TTC17: variants seen among roughly 807,000 people sequenced by gnomAD.
TTC17 encodes tetratricopeptide repeat domain 17, also known as tetratricopeptide repeat protein 17.
A neutral mutation model predicts 143.8 loss-of-function variants in TTC17; 58 were observed. The ratio of observed to expected loss-of-function variants is 0.40; its 90% CI spans 0.33 to 0.50. The LOEUF (loss-of-function observed/expected upper bound fraction) is 0.50, where lower values mean the gene tolerates loss of function less well. TTC17 is among the 20% of genes least tolerant of loss of function. TTC17 has a pLI of 0.49. For synonymous variants in TTC17, 501 were observed against 497.8 expected (o/e 1.01, Z -0.09); for missense variants, 1,273 against 1,392.5 (o/e 0.91, Z 1.37).
intron 1 of TTC17, chr11:43,370,252 T>G (rs962783896): frequency 3.0e-6 from 1 of 330,606 alleles, no homozygotes; most frequent in Non-Finnish European, 6.0e-6. Context: ...CCTGCGTCAT[T>G]CCATCCCTGT....
At chr11:43,414,390 T>G (rs1383651122) in intron 15 of TTC17, among the ~76,000 whole-genome samples, 200 bp from the exon 16 acceptor site, 3 of 152,094 alleles carry the variant, frequency 2.0e-5, no homozygotes, top group Non-Finnish European at 4.4e-5. Context: ...ACTTTATATA[T>G]TTTTTATCTT....
At chr11:43,405,689 T>A in intron 12 of TTC17, 60 bp downstream of exon 12, 1 of 1,611,890 alleles carries the variant, frequency 6.2e-7, no homozygotes, top group Non-Finnish European at 8.5e-7. Context: ...CTAGCGGTTC[T>A]TTGAGAGCAC....
At chr11:43,390,912 T>C (rs1857360117) in intron 3 of TTC17, among the ~76,000 whole-genome samples, 1 of 152,108 alleles carries the variant, frequency 6.6e-6, no homozygotes, top group East Asian at 1.9e-4. Flanking sequence ...AATTGAGCAG[T>C]TGTATTAGTT....
intron 20 of TTC17, among the ~76,000 whole-genome samples, chr11:43,450,722 ATATTCT>A (rs1947641675): frequency 6.6e-6 from 1 of 152,214 alleles, no homozygotes. Context: ...ATATATAGAA[ATATTCT>A]TATTGACCTG....
At chr11:43,466,637 T>A (rs552588671) in intron 21 of TTC17, 2 of 329,412 alleles carry the variant, frequency 6.1e-6, no homozygotes, top group Non-Finnish European at 1.2e-5. Context: ...AATTTGATGA[T>A]AAGAACTTTA....
At chr11:43,433,173 G>T (rs1947198854) in intron 16 of TTC17, among the ~76,000 whole-genome samples, 2 of 152,058 alleles carry the variant, frequency 1.3e-5, no homozygotes, top group South Asian at 4.1e-4. Flanking sequence ...GCTAATTTTT[G>T]TATTTTTAGT....
intron 1 of TTC17, among the ~76,000 whole-genome samples, chr11:43,378,403 A>C (rs1856840765): frequency 6.6e-6 from 1 of 152,210 alleles, no homozygotes; most frequent in Non-Finnish European, 1.5e-5. Context: ...GGTCACTGGC[A>C]GTAGCTTTAA....
At chr11:43,408,275 C>G (rs1036442969) in intron 15 of TTC17, among the ~76,000 whole-genome samples, 4 of 152,132 alleles carry the variant, frequency 2.6e-5, no homozygotes, top group African/African-American at 9.7e-5. Context: ...AAGGGATGTG[C>G]ATGAATGGTT....
chr11:43,360,740 T>C (rs1856069632), intron 1 of TTC17, among the ~76,000 whole-genome samples: 1 of 152,052 alleles, frequency 6.6e-6, no homozygotes, highest in South Asian at 2.1e-4. Flanking sequence ...AATTCCTTCT[T>C]TTTGCACTTT....
At chr11:43,389,543 C>G (rs572992385) in intron 2 of TTC17, 109 bp from the exon 3 acceptor site, 1 of 1,113,292 alleles carries the variant, frequency 9.0e-7, no homozygotes, top group South Asian at 2.1e-5. Context: ...TTCTTGTCTT[C>G]CTACATAGAG....
Position 43,372,372 on chromosome 11 carries a change from C to T in TTC17, c.160-6861C>T, listed in dbSNP as rs190688369. On this transcript the variant is annotated intron_variant, in intron 1 of 23. Transcript: ENST00000039989. ...GGCTGGAGTGCAGTGGCATGATCTC[C>T]TTTCACTGCAACTTCCACTTCCTGG... is the stretch of plus-strand genomic sequence containing the variant. Among the ~76,000 whole-genome samples the T allele has an allele frequency of 2.0e-4, 30 of 151,906 alleles. No homozygotes were observed. In the East Asian group the frequency reaches 5.0e-3, roughly 25 times the overall value.
At chr11:43,379,148 A>G (rs766242860) in intron 1 of TTC17, 85 bp from the exon 2 acceptor site, 69 of 1,244,404 alleles carry the variant, frequency 5.5e-5, no homozygotes, top group Non-Finnish European at 7.3e-5. Flanking sequence ...CGAATGAACA[A>G]TAATTTAAAG....
At position 43,493,967 on chromosome 11, in the gene TTC17, A is replaced by G. The variant is rs889343204; in HGVS notation, c.*63A>G. The G allele has an allele frequency of 6.6e-7, 1 of 1,506,730 alleles. No homozygotes were observed. The highest frequency in any genetic ancestry group is 1.4e-5 in the African/African-American group (1 of 71,450). The allele number at this position is 1,506,730 out of a possible 1,614,324, so 93.3% of individuals were successfully genotyped here. A position where few individuals can be genotyped will look rare whatever the true frequency, so the allele number is the denominator to read the frequency against. Reference sequence around the variant, plus strand: ...CTAAAAAAAAAGAATAAGAAAAGAAACCAATCATTGTCAGTATCTACTATT... The same window carrying G: ...CTAAAAAAAAAGAATAAGAAAAGAAGCCAATCATTGTCAGTATCTACTATT... On this transcript the variant is annotated 3_prime_UTR_variant, in exon 24 of 24. Transcript: ENST00000039989.
intron 19 of TTC17, 145 bp downstream of exon 19, chr11:43,448,267 C>T (rs1947588959): frequency 3.2e-6 from 4 of 1,249,328 alleles, no homozygotes; most frequent in South Asian, 1.5e-5. Flanking sequence ...TGACCATGGC[C>T]CCCAGGTGGA....
intron 21 of TTC17, among the ~76,000 whole-genome samples, chr11:43,478,844 T>C (rs1590494488): frequency 6.6e-6 from 1 of 152,126 alleles, no homozygotes; most frequent in Non-Finnish European, 1.5e-5. Context: ...CCCAGACTGG[T>C]CTCAAACTCC....
Position 43,450,099 on chromosome 11 carries a change from AT to A in TTC17, c.2808del (p.Phe936LeufsTer45), listed in dbSNP as rs1255062192. 1 of 1,613,838 alleles carries A rather than the reference AT, an allele frequency of 6.2e-7. No individual in the cohort carries two copies. Reference sequence around the variant, plus strand: ...TTTTTCAGCATCACAGAACACATAGATTTTGCCACCCCTATACAGCAGCCAG... The same window carrying A: ...TTTTTCAGCATCACAGAACACATAGATTTGCCACCCCTATACAGCAGCCAG... ...SKNIDITEHI[D>X]FATPIQQPAM... On this transcript the variant is annotated frameshift_variant, in exon 20 of 24. Coordinates refer to ENST00000039989, the MANE Select transcript of TTC17 (RefSeq NM_018259.6). LOFTEE classifies it high-confidence loss of function.
chr11:43,364,890 C>T, intron 1 of TTC17, among the ~76,000 whole-genome samples: 1 of 152,114 alleles, frequency 6.6e-6, no homozygotes, highest in Non-Finnish European at 1.5e-5. Context: ...ACCTCAACCT[C>T]CACCTCCTGG....
chr11:43,437,755 A>G (rs989933672), intron 16 of TTC17, among the ~76,000 whole-genome samples: 3 of 152,216 alleles, frequency 2.0e-5, no homozygotes. Flanking sequence ...ACATACACAT[A>G]GTACATGATC....
At chr11:43,423,430 T>C (rs536496176) in intron 16 of TTC17, among the ~76,000 whole-genome samples, 75 of 152,072 alleles carry the variant, frequency 4.9e-4, no homozygotes, top group Non-Finnish European at 9.6e-4. Context: ...AAGAATGGAA[T>C]CTTAGAAAAT....
Sources: allele counts gnomAD v4.1 joint callset (sites outside exome capture counted in the v4.1 genomes callset), GRCh38; gene constraint gnomAD v4.1.1; transcripts MANE v1.5; gene names NCBI Gene and HGNC (gene_info 2026-07-23, HGNC 2026-07-21).